BCL9L: variants seen among roughly 807,000 people sequenced by gnomAD.
BCL9L encodes the protein BCL9 like.
Under a neutral mutation model 99.4 loss-of-function variants are expected in BCL9L, and 19 were observed. The ratio of observed to expected loss-of-function variants is 0.19; its 90% CI spans 0.13 to 0.28. BCL9L has a LOEUF of 0.28. Among genes scored for constraint, BCL9L ranks in the 10% least tolerant of loss-of-function variants. BCL9L has a pLI of 1.00. For missense variants in BCL9L, 2,023 were observed against 2,101.6 expected (o/e 0.96, Z 0.73); for synonymous variants, 900 against 854.8 (o/e 1.05, Z -0.92).
In BCL9L at chr11:118,908,493, G is replaced by T. The variant is rs748774176; in HGVS notation, c.189C>A (p.Asn63Lys). 6.2e-7 allele frequency: 1 copy of T among 1,614,134 alleles called. No homozygotes were observed. Among genetic ancestry groups the T allele is most frequent in the Admixed American group, 1.7e-5 (1 of 60,014 alleles). Reference protein sequence around the residue: ...GGAQSQHQNVNQGPTCNVGSK... With the variant: ...GGAQSQHQNVKQGPTCNVGSK... ...AGCCCACGTTGCAGGTGGGTCCTTG[G>T]TTCACATTCTGGTGCTGAGATTGGG... The change falls in exon 4 of 10, where the codon AAC becomes AAA. Residue 63 changes from asparagine to lysine, a missense_variant. Asn to Lys is a moderately conservative substitution (Grantham distance 94). Transcript: ENST00000683865.
Position 118,901,082 on chromosome 11 carries a change from G to A in BCL9L, c.2661C>T (p.Leu887=), listed in dbSNP as rs770163391. The change falls in exon 8 of 10, where the codon CTC becomes CTT. Residue 887 remains leucine, a synonymous_variant. Coordinates refer to ENST00000683865, the MANE Select transcript of BCL9L (RefSeq NM_001378213.1). The surrounding 1 kb of genome is among the most constrained non-coding windows in gnomAD (Gnocchi z 6.6). The part of the protein sequence containing the change: ...MPMSNVGTTR[L]SHMPLPPASN... ...ACGCAGGGGGCAGAGGCATGTGGCT[G>A]AGCCGGGTGGTGCCCACGTTGCTCA... 2.5e-6 allele frequency: 4 copies of A among 1,606,030 alleles called. No individual in the cohort carries two copies. The highest frequency in any genetic ancestry group is 3.4e-6 in the Non-Finnish European group (4 of 1,175,278).
intron 3 of BCL9L, 65 bp from the exon 4 acceptor site, chr11:118,908,720 A>T: frequency 6.9e-7 from 1 of 1,448,284 alleles, no homozygotes; most frequent in South Asian, 1.3e-5. Context: ...CCTGCAACTT[A>T]ATTACCCCAT....
Position 118,898,904 on chromosome 11 carries a change from G to A in BCL9L, c.4011C>T (p.Ser1337=). 6.2e-7 allele frequency: 1 copy of A among 1,613,452 alleles called. No individual in the cohort carries two copies. Among genetic ancestry groups the A allele is most frequent in the East Asian group, 2.2e-5 (1 of 44,868 alleles). ...CGCTCTTGGGGAAGTACTGGAGGGT[G>A]CTGCTTGGCTTCTCAGAGGGGATGA... ...SRIIPSEKPS[S]TLQYFPKSEN... Residue 1337 remains serine, a synonymous_variant, in exon 10 of 10, where the codon AGC becomes AGT. Transcript: ENST00000683865.
Position 118,900,195 on chromosome 11 carries a change from G to A in BCL9L, c.3128C>T (p.Thr1043Ile). The change falls in exon 9 of 10, where the codon ACC becomes ATC. Residue 1043 changes from threonine to isoleucine, a missense_variant. Thr to Ile is a moderately conservative substitution (Grantham distance 89, BLOSUM62 -1). Around this residue, in one of 3 missense-constraint regions of BCL9L, gnomAD observed 902 missense variants for 888.2 expected, o/e 1.02. Transcript: ENST00000683865. This position sits in a 1 kb window ranked among gnomAD's most constrained non-coding sequence, Gnocchi z 5.3. Reference protein sequence around the residue: ...STTLSNMEQGTLPPSGPRSSS... With the variant: ...STTLSNMEQGILPPSGPRSSS... ...GCTCCGGGGGCCGCTAGGCGGGAGG[G>A]TACCTACAGAAACGGGGAGACAAAG... is the stretch of plus-strand genomic sequence containing the variant. 1 of 1,593,532 alleles carries A rather than the reference G, an allele frequency of 6.3e-7. No homozygotes were observed. The highest frequency in any genetic ancestry group is 1.1e-5 in the South Asian group (1 of 88,804).
chr11:118,909,703 C>T (rs557192651), intron 3 of BCL9L, among the ~76,000 whole-genome samples: 2 of 152,322 alleles, frequency 1.3e-5, no homozygotes, highest in Admixed American at 1.3e-4. Context: ...CTCTGCCCCC[C>T]ACCCAGGCCC....
chr11:118,901,069 G>A lies in BCL9L; in HGVS notation c.2674C>T (p.Leu892=), dbSNP rs1940207264. 2 of 1,604,228 alleles carry A rather than the reference G, an allele frequency of 1.2e-6. No individual in the cohort carries two copies. Among genetic ancestry groups the A allele is most frequent in the Non-Finnish European group, 1.7e-6 (2 of 1,174,610 alleles). The change falls in exon 8 of 10, where the codon CTG becomes TTG. Residue 892 remains leucine (L), a synonymous_variant. Transcript: ENST00000683865. The surrounding 1 kb of genome is among the most constrained non-coding windows in gnomAD (Gnocchi z 6.6). The stretch of plus-strand genomic sequence containing the variant: ...CCAGGAGGATTGGACGCAGGGGGCA[G>A]AGGCATGTGGCTGAGCCGGGTGGTG... ...VGTTRLSHMP[L]PPASNPPGTV... is the part of the protein sequence containing the mutation.
chr11:118,910,738 GGACA>G (rs1229151239), intron 2 of BCL9L: 1 of 155,824 alleles, frequency 6.4e-6, no homozygotes. Flanking sequence ...CCCCGCGCGC[GGACA>G]GACACACGGA....
chr11:118,899,791 C>T (rs1209955285), intron 9 of BCL9L, 126 bp downstream of exon 9: 26 of 1,345,546 alleles, frequency 1.9e-5, no homozygotes, highest in Non-Finnish European at 2.4e-5. Flanking sequence ...AACAGCATCC[C>T]GGAGCCTCCA....
rs557350357 is a variant in BCL9L, at chr11:118,896,412, A to T, written c.*2003T>A. The T allele has an allele frequency of 2.6e-4, 39 of 152,410 alleles. No individual in the cohort carries two copies. The highest frequency in any genetic ancestry group is 9.2e-4 in the African/African-American group (38 of 41,530). 9.4% of individuals were successfully genotyped at this position (152,410 alleles called of 1,614,324 possible). A position where few individuals can be genotyped will look rare whatever the true frequency, so the allele number is the denominator to read the frequency against. ...CGGAGAGGGCACTCGGCCCGCTGCAATCTGACCCCTCTCTCCTCAGGGCAG... is the reference window on the plus strand; with the variant it reads ...CGGAGAGGGCACTCGGCCCGCTGCATTCTGACCCCTCTCTCCTCAGGGCAG... On this transcript the variant is annotated 3_prime_UTR_variant, in exon 10 of 10. Coordinates refer to ENST00000683865, the MANE Select transcript of BCL9L (RefSeq NM_001378213.1).
chr11:118,907,793 CATG>C (rs1940589543), intron 4 of BCL9L, among the ~76,000 whole-genome samples, 191 bp from the exon 5 acceptor site: 1 of 152,242 alleles, frequency 6.6e-6, no homozygotes, highest in Non-Finnish European at 1.5e-5. Flanking sequence ...TCTATAGCCC[CATG>C]CCTGTCTCCC....
chr11:118,911,001 C>G, intron 2 of BCL9L: 2 of 282,826 alleles, frequency 7.1e-6, no homozygotes, highest in Non-Finnish European at 1.4e-5. Context: ...CCGGGGCTGC[C>G]CGAGGGCTGA....
In BCL9L at chr11:118,903,553, C is replaced by T. The variant is rs992861654; in HGVS notation, c.533-101G>A. On this transcript the variant is annotated intron_variant, in intron 5 of 9. Coordinates refer to ENST00000683865, the MANE Select transcript of BCL9L (RefSeq NM_001378213.1). The surrounding 1 kb of genome is among the most constrained non-coding windows in gnomAD (Gnocchi z 5.6). ...ATGCTCACAGCCTTACAGCTCGTGC[C>T]CACAGGGACATTTGATGTCAGTATC... The T allele has an allele frequency of 1.0e-5, 13 of 1,288,962 alleles. No individual in the cohort carries two copies. Among genetic ancestry groups the T allele is most frequent in the Admixed American group, 2.0e-5 (1 of 50,194 alleles). 79.8% of individuals were successfully genotyped at this position (1,288,962 alleles called of 1,614,324 possible). A position where few individuals can be genotyped will look rare whatever the true frequency, so the allele number is the denominator to read the frequency against.
In BCL9L at chr11:118,899,019, G is replaced by A; in HGVS notation, c.3896C>T (p.Pro1299Leu). ...GTCGTTCAGCACTGATGCCACCCCA[G>A]GGAGCACACCCGGTGGGTATGCGTC... ...MGDAYPPGVL[P>L]GVASVLNDPE... Residue 1299 changes from proline (P) to leucine (L), a missense_variant, in exon 10 of 10, where the codon CCT becomes CTT. By Grantham distance (98) the Pro-to-Leu change is moderately conservative. Around this residue, in one of 3 missense-constraint regions of BCL9L, gnomAD observed 902 missense variants for 888.2 expected, o/e 1.02. Coordinates refer to ENST00000683865, the MANE Select transcript of BCL9L (RefSeq NM_001378213.1). 1.2e-6 allele frequency: 2 copies of A among 1,613,768 alleles called. No individual in the cohort carries two copies. Among genetic ancestry groups the A allele is most frequent in the Non-Finnish European group, 1.7e-6 (2 of 1,179,946 alleles).
Position 118,897,757 on chromosome 11 carries a change from C to CT in BCL9L, c.*657dup, listed in dbSNP as rs35636302. ...GAAGGGGGGAAGGGTTTCTTTTATC[C>CT]TTTTTTTTTTGTGTGACTTCTATCA... On this transcript the variant is annotated 3_prime_UTR_variant, in exon 10 of 10. Transcript: ENST00000683865. 111,324 of 407,152 alleles carry CT rather than the reference C, an allele frequency of 0.27. 8,773 individuals are homozygous for CT. The highest frequency in any genetic ancestry group is 0.4 in the Admixed American group (14,967 of 37,212). 25.2% of individuals were successfully genotyped at this position (407,152 alleles called of 1,614,324 possible).
At chr11:118,913,021 C>A (rs1042821946) in intron 2 of BCL9L, among the ~76,000 whole-genome samples, 1 of 152,120 alleles carries the variant, frequency 6.6e-6, no homozygotes, top group Non-Finnish European at 1.5e-5. Flanking sequence ...GGTGACTCAG[C>A]GGGCAGGGAG....
In BCL9L at chr11:118,898,916, C is replaced by T; in HGVS notation, c.3999G>A (p.Glu1333=). The change falls in exon 10 of 10, where the codon GAG becomes GAA. Residue 1333 remains glutamate (E), a synonymous_variant. Coordinates refer to ENST00000683865, the MANE Select transcript of BCL9L (RefSeq NM_001378213.1). ...EFDLSRIIPS[E]KPSSTLQYFP... is the part of the protein sequence containing the mutation. Reference sequence around the variant, plus strand: ...AGTACTGGAGGGTGCTGCTTGGCTTCTCAGAGGGGATGATCCTCGACAAGT... The same window carrying T: ...AGTACTGGAGGGTGCTGCTTGGCTTTTCAGAGGGGATGATCCTCGACAAGT... 1 of 1,613,180 alleles carries T rather than the reference C, an allele frequency of 6.2e-7. No homozygotes were observed. The highest frequency in any genetic ancestry group is 8.5e-7 in the Non-Finnish European group (1 of 1,179,378).
intron 4 of BCL9L, among the ~76,000 whole-genome samples, 156 bp from the exon 5 acceptor site, chr11:118,907,758 C>G (rs188475290): frequency 2.6e-5 from 4 of 152,356 alleles, no homozygotes; most frequent in African/African-American, 4.8e-5. Flanking sequence ...GCCCCCACCA[C>G]GCCACCATTT....
rs751426791 is a variant in BCL9L at position 118,901,115 on chromosome 11, T to G, written c.2628A>C (p.Ser876=). 3 of 1,611,494 alleles carry G rather than the reference T, an allele frequency of 1.9e-6. 1 individual carries two copies. The South Asian group carries it at 3.3e-5, about 18-fold the overall frequency. The change falls in exon 8 of 10, where the codon TCA becomes TCC. Residue 876 remains serine, a synonymous_variant. Transcript: ENST00000683865. This position sits in a 1 kb window ranked among gnomAD's most constrained non-coding sequence, Gnocchi z 6.6. ...TGGTGCCCACGTTGCTCATGGGCAT[T>G]GAGCTCTGATCAGGGCTGAACATGT... is the stretch of plus-strand genomic sequence containing the variant. ...TQDMFSPDQS[S]MPMSNVGTTR...
In BCL9L at chr11:118,903,085, TG is replaced by T; in HGVS notation, c.750-12del. The T allele has an allele frequency of 6.4e-7, 1 of 1,568,078 alleles. No homozygotes were observed. The highest frequency in any genetic ancestry group is 8.6e-7 in the Non-Finnish European group (1 of 1,161,540). On this transcript the variant is annotated splice_polypyrimidine_tract_variant and intron_variant, in intron 6 of 9. Transcript: ENST00000683865. The surrounding 1 kb of genome is among the most constrained non-coding windows in gnomAD (Gnocchi z 5.6). ...ACTGCCTCTGCAGCCCTGCACAGAG[TG>T]GGGGCACCGACAGCTCAGAGAGGTG... is the stretch of plus-strand genomic sequence containing the variant.
Sources: allele counts gnomAD v4.1 joint callset (sites outside exome capture counted in the v4.1 genomes callset), GRCh38; gene constraint gnomAD v4.1.1; regional missense constraint gnomAD v4.1.1; non-coding constraint Gnocchi (gnomAD v3.1); transcripts MANE v1.5; gene names NCBI Gene and HGNC (gene_info 2026-07-23, HGNC 2026-07-21).